The following DNAH5 variants were observed in gnomAD, a reference collection of about 807,000 sequenced individuals.
DNAH5 encodes the protein axonemal beta dynein heavy chain 5.
Under a neutral mutation model 518.2 loss-of-function variants are expected in DNAH5, and 372 were observed. That is an observed-to-expected ratio of 0.72 (90% CI 0.66 to 0.78). The LOEUF is 0.78. Ranked by LOEUF, DNAH5 falls within the 30% of genes least tolerant of loss-of-function variation. The pLI is 0.00. For missense variants in DNAH5, 5,523 were observed against 5,687.0 expected, an observed-to-expected ratio of 0.97 and a Z score of 0.93; for synonymous variants, 2,039 against 2,025.9, an observed-to-expected ratio of 1.01 and a Z score of -0.17.
intron 1 of DNAH5, among the ~76,000 whole-genome samples, chr5:13,981,918 A>G (rs1782699630): frequency 6.6e-6 from 1 of 152,248 alleles, no homozygotes; most frequent in Admixed American, 6.5e-5. Context: ...TGCTGGCTCT[A>G]ATCATAACTG....
intron 1 of DNAH5, 123 bp downstream of exon 1, chr5:13,944,259 T>C (rs1581001037): frequency 2.1e-6 from 2 of 952,506 alleles, no homozygotes; most frequent in African/African-American, 3.2e-5. Context: ...AGTTAAAAAA[T>C]GTGTTTCTCG....
At chr5:13,958,339 T>C (rs999183392) in intron 1 of DNAH5, among the ~76,000 whole-genome samples, 8 of 152,210 alleles carry the variant, frequency 5.3e-5, no homozygotes, top group Non-Finnish European at 1.0e-4. Context: ...TGTTATCTTC[T>C]TGCAAGTTTA....
intron 67 of DNAH5, 85 bp from the exon 68 acceptor site, chr5:13,735,406 G>C: frequency 7.5e-7 from 1 of 1,331,224 alleles, no homozygotes. Flanking sequence ...TGGAAAATAA[G>C]TAACTTTGGA....
Position 13,870,905 on chromosome 5 carries a change from A to G in DNAH5, c.3696T>C (p.Ile1232=), listed in dbSNP as rs1392338764. Residue 1232 remains isoleucine (I), a synonymous_variant, in exon 24 of 79, where the codon ATT becomes ATC. Coordinates refer to ENST00000265104, the MANE Select transcript of DNAH5 (RefSeq NM_001369.3). The part of the protein sequence containing the change: ...NKKYRSEMEN[I]FMLIEEFNKK... ...TATTGAATTCTTCAATAAGCATAAA[A>G]ATGTTTTCCATCTCACTCCGGTATT... 1.2e-5 allele frequency: 20 copies of G among 1,613,714 alleles called. No homozygotes were observed. The highest frequency in any genetic ancestry group is 1.6e-5 in the Non-Finnish European group (19 of 1,179,842).
At position 13,974,888 on chromosome 5, in the gene DNAH5, T is replaced by A. The variant is rs1023793805; in HGVS notation, c.12+36760A>T. Among the ~76,000 whole-genome samples the A allele has an allele frequency of 2.6e-5, 4 of 152,090 alleles. No individual in the cohort carries two copies. In the East Asian group the frequency reaches 7.7e-4, roughly 29 times the overall value. On this transcript the variant is annotated intron_variant, in intron 1 of 78. Transcript: ENST00000681290. The stretch of plus-strand genomic sequence containing the variant: ...GCTCGGAAGCCATGGAAAGCTGGTA[T>A]CGGTGGCCAGGAGGCTGGTAAGGCC...
intron 65 of DNAH5, among the ~76,000 whole-genome samples, chr5:13,745,163 T>C (rs988697746): frequency 3.3e-5 from 5 of 151,982 alleles, no homozygotes; most frequent in Non-Finnish European, 7.4e-5. Context: ...GGAACATAGA[T>C]TTTTTTTAAG....
In DNAH5 at chr5:13,942,018, G is replaced by A. The variant is rs572809848; in HGVS notation, c.57+2364C>T. ...GAATTCAAGTCTGGAATTCATGTCCGTCTTACACCTGTAACTTGGTACTAA... is the reference window on the plus strand; with the variant it reads ...GAATTCAAGTCTGGAATTCATGTCCATCTTACACCTGTAACTTGGTACTAA... On this transcript the variant is annotated intron_variant, in intron 1 of 78. Coordinates refer to ENST00000265104, the MANE Select transcript of DNAH5 (RefSeq NM_001369.3). 8.5e-5 allele frequency among the ~76,000 whole-genome samples: 13 copies of A among 152,256 alleles called. No homozygotes were observed. The East Asian group carries it at 1.3e-3, about 16-fold the overall frequency.
chr5:13,714,063 C>G (rs1026004661), intron 75 of DNAH5, among the ~76,000 whole-genome samples: 3 of 152,054 alleles, frequency 2.0e-5, no homozygotes, highest in Non-Finnish European at 2.9e-5. Context: ...TTTGAATAAT[C>G]AGGTGTTTTA....
At chr5:13,737,941 T>C (rs1747801481) in intron 65 of DNAH5, among the ~76,000 whole-genome samples, 1 of 152,050 alleles carries the variant, frequency 6.6e-6, no homozygotes, top group Non-Finnish European at 1.5e-5. Flanking sequence ...CTCATGCCTG[T>C]AGTCCCAGCT....
At chr5:13,728,096 G>T (rs1159858931) in intron 69 of DNAH5, among the ~76,000 whole-genome samples, 1 of 152,110 alleles carries the variant, frequency 6.6e-6, no homozygotes, top group Non-Finnish European at 1.5e-5. Flanking sequence ...TTTAACACAT[G>T]TTTATTATTG....
intron 1 of DNAH5, among the ~76,000 whole-genome samples, chr5:13,989,964 G>A (rs541121215): frequency 3.6e-4 from 55 of 152,172 alleles, no homozygotes; most frequent in Non-Finnish European, 7.1e-4. Context: ...ACAGGGCTGC[G>A]AAGTAGGTAC....
chr5:13,713,104 TG>T (rs1351227577), intron 75 of DNAH5, among the ~76,000 whole-genome samples: 1 of 120,732 alleles, frequency 8.3e-6, no homozygotes, highest in African/African-American at 3.0e-5. Context: ...GTGGTGTGTG[TG>T]TGTATATATA....
At chr5:13,747,204 C>A (rs2126670758) in intron 65 of DNAH5, among the ~76,000 whole-genome samples, 1 of 152,276 alleles carries the variant, frequency 6.6e-6, no homozygotes, top group East Asian at 1.9e-4. Flanking sequence ...CATGTCCCTA[C>A]AAAGGACATG....
At chr5:13,998,738 TA>T (rs1784137892) in intron 1 of DNAH5, among the ~76,000 whole-genome samples, 2 of 152,188 alleles carry the variant, frequency 1.3e-5, no homozygotes, top group Admixed American at 6.5e-5. Flanking sequence ...TGACAAAAAA[TA>T]GTCCAAAAAA....
At chr5:13,710,770 G>T (rs1279675039) in intron 75 of DNAH5, among the ~76,000 whole-genome samples, 3 of 152,128 alleles carry the variant, frequency 2.0e-5, no homozygotes, top group Non-Finnish European at 4.4e-5. Context: ...ACCTAGAAGA[G>T]ATAGGTAAAT....
intron 63 of DNAH5, among the ~76,000 whole-genome samples, chr5:13,752,984 A>C (rs1030350723): frequency 1.3e-5 from 2 of 152,220 alleles, no homozygotes; most frequent in Non-Finnish European, 2.9e-5. Flanking sequence ...TATCAAAGAG[A>C]GCCCTGGACC....
At chr5:13,884,131 A>C (rs1772048171) in intron 19 of DNAH5, among the ~76,000 whole-genome samples, 1 of 152,174 alleles carries the variant, frequency 6.6e-6, no homozygotes, top group African/African-American at 2.4e-5. Flanking sequence ...AGATGATGCT[A>C]TTGAAAATGA....
chr5:13,762,084 A>C (rs527464707), intron 60 of DNAH5, among the ~76,000 whole-genome samples: 1 of 152,308 alleles, frequency 6.6e-6, no homozygotes, highest in African/African-American at 2.4e-5. Flanking sequence ...TTTTCAAAAA[A>C]CCCACTCTCC....
Position 13,858,207 on chromosome 5 carries a change from G to A in DNAH5, c.4950+1245C>T, listed in dbSNP as rs190604214. On this transcript the variant is annotated intron_variant, in intron 30 of 78. Coordinates refer to ENST00000265104, the MANE Select transcript of DNAH5 (RefSeq NM_001369.3). ...TGTTATACTGGATAAAGAAAATGTA[G>A]CACATATACACCATGGAATACTATG... Among the ~76,000 whole-genome samples, 563 of 152,278 alleles carry A rather than the reference G, an allele frequency of 3.7e-3. 9 individuals are homozygous for A. Among genetic ancestry groups the A allele is most frequent in the Non-Finnish European group, 9.8e-4 (67 of 68,028 alleles).
Sources: gnomAD v4.1 joint callset for allele counts (sites outside exome capture counted in the v4.1 genomes callset) on GRCh38, gnomAD v4.1.1 for gene constraint, MANE v1.5 for transcripts, NCBI Gene and HGNC (gene_info 2026-07-23, HGNC 2026-07-21) for gene names.